HDAC4: variants seen among roughly 807,000 people sequenced by gnomAD.
The protein encoded by HDAC4 is histone deacetylase A.
HDAC4 carries 16 observed loss-of-function variants against 135.1 expected under a neutral mutation model. That is an observed-to-expected ratio of 0.12 (90% CI 0.08 to 0.18). The LOEUF (loss-of-function observed/expected upper bound fraction) is 0.18, where lower values mean the gene tolerates loss of function less well. HDAC4 is among the 10% of genes least tolerant of loss of function. The pLI, the probability that HDAC4 is intolerant of heterozygous loss-of-function variation, is 1.00. For synonymous variants in HDAC4, 685 were observed against 653.4 expected, an observed-to-expected ratio of 1.05 and a Z score of -0.74; for missense variants, 1,143 against 1,511.8, an observed-to-expected ratio of 0.76 and a Z score of 4.05.
At chr2:239,252,151 G>C (rs1225214514) in intron 2 of HDAC4, among the ~76,000 whole-genome samples, 4 of 152,214 alleles carry the variant, frequency 2.6e-5, no homozygotes, top group African/African-American at 9.6e-5. Context: ...CATGACGACT[G>C]TCATGGTGGT....
rs1331585229 is a variant in HDAC4, at chr2:239,352,800, T to C, written c.-101A>G. The C allele has an allele frequency of 4.3e-6, 5 of 1,171,202 alleles. No individual in the cohort carries two copies. The highest frequency in any genetic ancestry group is 6.2e-6 in the Non-Finnish European group (5 of 801,612). The allele number at this position is 1,171,202 out of a possible 1,614,324, so 72.6% of individuals were successfully genotyped here. ...CCAAACTCCCACCAACACATACAAG[T>C]ACCGGGACGGTGAGGGCTGGGTCAC... On this transcript the variant is annotated 5_prime_UTR_variant, in exon 2 of 27. Coordinates refer to ENST00000543185, the MANE Select transcript of HDAC4 (RefSeq NM_001378414.1). This position sits in a 1 kb window ranked among gnomAD's most constrained non-coding sequence, Gnocchi z 4.4.
chr2:239,329,247 C>T (rs890895751), intron 2 of HDAC4, among the ~76,000 whole-genome samples: 1 of 152,240 alleles, frequency 6.6e-6, no homozygotes, highest in Non-Finnish European at 1.5e-5. Flanking sequence ...TGTGCAGACC[C>T]CAAAGGCGGG....
At chr2:239,216,151 G>A (rs912588827) in intron 3 of HDAC4, among the ~76,000 whole-genome samples, 31 of 151,970 alleles carry the variant, frequency 2.0e-4, no homozygotes, top group African/African-American at 7.5e-4. Flanking sequence ...TAATCACTGT[G>A]AGCACTTTCC....
In HDAC4 at chr2:239,285,816, G is replaced by A. The variant is rs948117850; in HGVS notation, c.23-49152C>T. ...GGGTGGAGGACTGCATGGGGGTCAG[G>A]ACCGAGGTGAGCCCAGAGCTGCAGC... On this transcript the variant is annotated intron_variant, in intron 2 of 26. Transcript: ENST00000543185. The surrounding 1 kb of genome is among the most constrained non-coding windows in gnomAD (Gnocchi z 4.5). 3.3e-5 allele frequency among the ~76,000 whole-genome samples: 5 copies of A among 152,148 alleles called. No individual in the cohort carries two copies. Among genetic ancestry groups the A allele is most frequent in the Non-Finnish European group, 7.3e-5 (5 of 68,038 alleles).
intron 2 of HDAC4, among the ~76,000 whole-genome samples, chr2:239,289,866 T>C (rs7607837): frequency 4.3e-4 from 65 of 152,338 alleles, no homozygotes; most frequent in African/African-American, 1.5e-3. Flanking sequence ...AAACCCTCAC[T>C]TCATAATCAT....
At chr2:239,394,219 T>C (rs1175618577) in intron 1 of HDAC4, among the ~76,000 whole-genome samples, 1 of 152,160 alleles carries the variant, frequency 6.6e-6, no homozygotes, top group Non-Finnish European at 1.5e-5. Flanking sequence ...CAAAAGCACT[T>C]GACTCACACA....
intron 2 of HDAC4, among the ~76,000 whole-genome samples, chr2:239,252,811 T>C (rs959777826): frequency 2.0e-5 from 3 of 152,226 alleles, no homozygotes; most frequent in Non-Finnish European, 4.4e-5. Flanking sequence ...TTATCTTCTG[T>C]TTAATAAAGT....
chr2:239,331,301 G>C lies in HDAC4; in HGVS notation c.22+21377C>G, dbSNP rs528153360. ...AAAGCCACGAGAAGGAGGCAGGATGGGGGAGGGAAGACAAGCAGGAAGGGG... is the reference window on the plus strand; with the variant it reads ...AAAGCCACGAGAAGGAGGCAGGATGCGGGAGGGAAGACAAGCAGGAAGGGG... On this transcript the variant is annotated intron_variant, in intron 2 of 26. Transcript: ENST00000543185. This position sits in a 1 kb window ranked among gnomAD's most constrained non-coding sequence, Gnocchi z 4.5. Among the ~76,000 whole-genome samples, 3 of 152,264 alleles carry C rather than the reference G, an allele frequency of 2.0e-5. No homozygotes were observed. The East Asian group carries it at 5.8e-4, about 29-fold the overall frequency.
At chr2:239,229,382 G>A (rs751389588) in intron 3 of HDAC4, among the ~76,000 whole-genome samples, 33 of 152,186 alleles carry the variant, frequency 2.2e-4, no homozygotes, top group Non-Finnish European at 5.9e-5. Context: ...AGGTTAACTT[G>A]ATGGAGGGCA....
chr2:239,134,154 C>G lies in HDAC4; in HGVS notation c.1294+91G>C. On this transcript the variant is annotated intron_variant, in intron 11 of 26. Transcript: ENST00000543185. ...GTGGGGGTGGGACAGGCGTGCATTCCTGTCTCCTCCAAAGGCAGGCGAAGG... is the reference window on the plus strand; with the variant it reads ...GTGGGGGTGGGACAGGCGTGCATTCGTGTCTCCTCCAAAGGCAGGCGAAGG... 5 of 1,018,114 alleles carry G rather than the reference C, an allele frequency of 4.9e-6. No homozygotes were observed. The South Asian group carries it at 6.5e-5, about 13-fold the overall frequency. The allele number at this position is 1,018,114 out of a possible 1,614,324, so 63.1% of individuals were successfully genotyped here.
In HDAC4 at chr2:239,081,309, G is replaced by A. The variant is rs551112189; in HGVS notation, c.2653-117C>T. 26 of 818,812 alleles carry A rather than the reference G, an allele frequency of 3.2e-5. No individual in the cohort carries two copies. In the African/African-American group the frequency reaches 4.4e-4, roughly 14 times the overall value. The allele number at this position is 818,812 out of a possible 1,614,324, so 50.7% of individuals were successfully genotyped here. A position where few individuals can be genotyped will look rare whatever the true frequency, so the allele number is the denominator to read the frequency against. Reference sequence around the variant, plus strand: ...CGGCCTTGGTGGGCCCCTGGGGAGAGCCCACGTGTCCTGATCTCCTGGTGC... The same window carrying A: ...CGGCCTTGGTGGGCCCCTGGGGAGAACCCACGTGTCCTGATCTCCTGGTGC... On this transcript the variant is annotated intron_variant, in intron 21 of 26. Coordinates refer to ENST00000543185, the MANE Select transcript of HDAC4 (RefSeq NM_001378414.1).
intron 3 of HDAC4, among the ~76,000 whole-genome samples, chr2:239,235,755 T>C (rs545167834): frequency 6.6e-6 from 1 of 152,314 alleles, no homozygotes; most frequent in South Asian, 2.1e-4. Flanking sequence ...ATGTTACCTA[T>C]GGGGCTGGGC....
chr2:239,083,339 G>A (rs767341096), intron 20 of HDAC4, among the ~76,000 whole-genome samples: 37 of 152,200 alleles, frequency 2.4e-4, no homozygotes, highest in African/African-American at 3.4e-4. Flanking sequence ...GAGGGCTCCC[G>A]GCTCGCAGGT....
chr2:239,067,841 A>C (rs2033722049), intron 23 of HDAC4, among the ~76,000 whole-genome samples: 1 of 152,204 alleles, frequency 6.6e-6, no homozygotes. Flanking sequence ...CCTTGAGGGC[A>C]TCACCAGGGC....
intron 1 of HDAC4, among the ~76,000 whole-genome samples, chr2:239,390,365 T>G (rs973127732): frequency 6.6e-6 from 1 of 152,164 alleles, no homozygotes; most frequent in Non-Finnish European, 1.5e-5. Context: ...AAACCTCATC[T>G]CTACAAAATA....
At chr2:239,053,236 G>T in intron 26 of HDAC4, 100 bp from the exon 27 acceptor site, 1 of 1,477,586 alleles carries the variant, frequency 6.8e-7, no homozygotes, top group African/African-American at 1.4e-5. Context: ...TGCCCCACCC[G>T]CCAGCCTAGC....
At chr2:239,346,225 C>T (rs1692656097) in intron 2 of HDAC4, among the ~76,000 whole-genome samples, 1 of 151,054 alleles carries the variant, frequency 6.6e-6, no homozygotes, top group African/African-American at 2.4e-5. Context: ...CACACATATC[C>T]TGTCTAAAAC....
chr2:239,096,644 G>A (rs1248828017), intron 16 of HDAC4, among the ~76,000 whole-genome samples: 67 of 51,108 alleles, frequency 1.3e-3, no homozygotes, highest in African/African-American at 5.3e-3. Flanking sequence ...ATGGATGCCA[G>A]CATCCCCCAC....
chr2:239,268,050 C>A (rs1388488758), intron 2 of HDAC4, among the ~76,000 whole-genome samples: 1 of 152,234 alleles, frequency 6.6e-6, no homozygotes, highest in Admixed American at 6.5e-5. Context: ...CAAATTAGGT[C>A]AAAGAGTTAC....
Sources: allele counts gnomAD v4.1 joint callset (sites outside exome capture counted in the v4.1 genomes callset), GRCh38; gene constraint gnomAD v4.1.1; non-coding constraint Gnocchi (gnomAD v3.1); transcripts MANE v1.5; gene names NCBI Gene and HGNC (gene_info 2026-07-23, HGNC 2026-07-21).